The following FRMD5 variants were observed in gnomAD, a reference collection of about 807,000 sequenced individuals.
FRMD5 encodes the protein FERM domain-containing protein 5.
Under a neutral mutation model 69.0 loss-of-function variants are expected in FRMD5, and 20 were observed. That is an observed-to-expected ratio of 0.29 (90% confidence interval 0.20 to 0.42). FRMD5 has a LOEUF of 0.42. Ranked by LOEUF, FRMD5 falls within the 10% of genes least tolerant of loss-of-function variation. The pLI is 1.00. For missense variants in FRMD5, 595 were observed against 708.6 expected (o/e 0.84, Z 1.82); for synonymous variants, 271 against 260.1 (o/e 1.04, Z -0.40).
chr15:44,121,863 C>T (rs1311248100), intron 1 of FRMD5, among the ~76,000 whole-genome samples: 2 of 151,098 alleles, frequency 1.3e-5, no homozygotes, highest in South Asian at 2.1e-4. Context: ...GGCATGGTAG[C>T]GTGTGCCTGT....
At chr15:44,176,049 T>C (rs934744427) in intron 1 of FRMD5, among the ~76,000 whole-genome samples, 3 of 152,122 alleles carry the variant, frequency 2.0e-5, no homozygotes, top group South Asian at 2.1e-4. Flanking sequence ...AAAATTCATA[T>C]GGAAATGCAA....
intron 1 of FRMD5, chr15:43,990,151 T>G: frequency 1.7e-6 from 1 of 586,638 alleles, no homozygotes; most frequent in African/African-American, 1.8e-5. Flanking sequence ...CCAGAGCCAT[T>G]GTCGACGACA....
In FRMD5 at chr15:44,008,135, G is replaced by A. The variant is rs1357260656; in HGVS notation, c.103-83826C>T. On this transcript the variant is annotated intron_variant, in intron 1 of 13. Coordinates refer to ENST00000417257, the MANE Select transcript of FRMD5 (RefSeq NM_032892.5). ...TTTTGTAGAGATGAGGTCTCCCTATGTTGCCCAGGCTGGTCTCAAACTCCT... is the reference window on the plus strand; with the variant it reads ...TTTTGTAGAGATGAGGTCTCCCTATATTGCCCAGGCTGGTCTCAAACTCCT... 4.3e-5 allele frequency among the ~76,000 whole-genome samples: 5 copies of A among 115,516 alleles called. No homozygotes were observed. The South Asian group carries it at 8.7e-4, about 20-fold the overall frequency. 75.8% of individuals were successfully genotyped at this position (115,516 alleles called of 152,430 possible). A position where few individuals can be genotyped will look rare whatever the true frequency, so the allele number is the denominator to read the frequency against.
At chr15:44,051,638 A>C (rs761937917) in intron 1 of FRMD5, among the ~76,000 whole-genome samples, 111 of 152,044 alleles carry the variant, frequency 7.3e-4, no homozygotes, top group Non-Finnish European at 3.7e-4. Context: ...GGATCTCACA[A>C]TATATTCTGT....
chr15:44,119,416 A>G (rs2076915713), intron 1 of FRMD5, among the ~76,000 whole-genome samples: 1 of 152,072 alleles, frequency 6.6e-6, no homozygotes, highest in Non-Finnish European at 1.5e-5. Context: ...ACCCACCATA[A>G]CTTAACTGGT....
intron 12 of FRMD5, 121 bp from the exon 13 acceptor site, chr15:43,883,930 T>C: frequency 1.4e-6 from 1 of 700,854 alleles, no homozygotes; most frequent in Non-Finnish European, 2.6e-6. Context: ...CTCTCTCTTT[T>C]TTAAAATCTT....
chr15:43,914,723 C>CTTTTTTTTTTGTTTTTTTTTTTTTT, intron 4 of FRMD5, among the ~76,000 whole-genome samples: 1 of 109,418 alleles, frequency 9.1e-6, no homozygotes, highest in Non-Finnish European at 1.7e-5. Context: ...AGGTGACTAC[C>CTTTTTTTTTTGTTTTTTTTTTTTTT]TTTTTTTTTT....
intron 1 of FRMD5, among the ~76,000 whole-genome samples, chr15:44,148,964 T>C (rs1178910462): frequency 4.6e-5 from 7 of 152,178 alleles, no homozygotes; most frequent in Admixed American, 2.6e-4. Flanking sequence ...GAGAGACTTA[T>C]ACGTTTTAAA....
chr15:43,885,887 C>T, intron 10 of FRMD5, 132 bp from the exon 11 acceptor site: 2 of 706,006 alleles, frequency 2.8e-6, no homozygotes, highest in Non-Finnish European at 5.1e-6. Flanking sequence ...CCACATTTGT[C>T]TCTGACTCTC....
chr15:44,145,883 A>AT lies in FRMD5; in HGVS notation c.102+49069dup, dbSNP rs796713600. ...TAATCATCCTTATTAGAAGAAAAACATATCATACTAAGGGAGCTTACCATA... is the reference window on the plus strand; with the variant it reads ...TAATCATCCTTATTAGAAGAAAAACATTATCATACTAAGGGAGCTTACCATA... On this transcript the variant is annotated intron_variant, in intron 1 of 13. Coordinates refer to ENST00000417257, the MANE Select transcript of FRMD5 (RefSeq NM_032892.5). 5.9e-5 allele frequency among the ~76,000 whole-genome samples: 9 copies of AT among 152,364 alleles called. No individual in the cohort carries two copies. In the South Asian group the frequency reaches 1.9e-3, roughly 32 times the overall value.
intron 1 of FRMD5, among the ~76,000 whole-genome samples, chr15:44,025,331 A>G (rs1321364524): frequency 1.3e-5 from 2 of 152,216 alleles, no homozygotes; most frequent in Non-Finnish European, 2.9e-5. Context: ...GAGGCTTCAT[A>G]GAGGAAATGC....
intron 1 of FRMD5, among the ~76,000 whole-genome samples, chr15:44,041,970 CA>C (rs1172702708): frequency 1.3e-5 from 2 of 151,908 alleles, no homozygotes; most frequent in Admixed American, 1.3e-4. Flanking sequence ...AAAAACCCCT[CA>C]AAAAAATCAA....
chr15:43,934,719 C>T (rs1172945992), intron 1 of FRMD5, among the ~76,000 whole-genome samples: 1 of 152,218 alleles, frequency 6.6e-6, no homozygotes, highest in African/African-American at 2.4e-5. Context: ...TGCCCGCCTC[C>T]AGCCTCATAA....
chr15:43,960,892 GA>G (rs2090188411), intron 1 of FRMD5, among the ~76,000 whole-genome samples: 1 of 152,052 alleles, frequency 6.6e-6, no homozygotes, highest in Non-Finnish European at 1.5e-5. Context: ...TCTTGTATTT[GA>G]AAAAAACCTA....
chr15:44,143,728 A>G (rs1212182452), intron 1 of FRMD5, among the ~76,000 whole-genome samples: 1 of 151,610 alleles, frequency 6.6e-6, no homozygotes, highest in South Asian at 2.1e-4. Context: ...GATTGAGACC[A>G]TCCTGGCTAA....
intron 1 of FRMD5, among the ~76,000 whole-genome samples, chr15:44,092,778 A>C (rs926472519): frequency 6.6e-6 from 1 of 152,020 alleles, no homozygotes; most frequent in African/African-American, 2.4e-5. Flanking sequence ...TAGAAACTTA[A>C]TCTAAATTTC....
chr15:44,030,716 A>G (rs1264238661), intron 1 of FRMD5, among the ~76,000 whole-genome samples: 2 of 152,072 alleles, frequency 1.3e-5, no homozygotes, highest in Non-Finnish European at 2.9e-5. Flanking sequence ...GGAGAAGGTG[A>G]AGGAGGAGGA....
intron 4 of FRMD5, among the ~76,000 whole-genome samples, chr15:43,910,572 C>CAAAAA (rs1167867396): frequency 0.071 from 2,869 of 40,234 alleles, 204 homozygotes; most frequent in Admixed American, 0.1. Context: ...GACCTTGTCT[C>CAAAAA]AAAAAAAAAA....
intron 1 of FRMD5, among the ~76,000 whole-genome samples, chr15:44,062,640 A>G (rs1489975022): frequency 2.0e-5 from 3 of 150,578 alleles, no homozygotes; most frequent in Non-Finnish European, 4.4e-5. Flanking sequence ...CAGTGAGCTA[A>G]GATTGCACCA....
Sources: gnomAD v4.1 joint callset for allele counts (sites outside exome capture counted in the v4.1 genomes callset) on GRCh38, gnomAD v4.1.1 for gene constraint, MANE v1.5 for transcripts, NCBI Gene and HGNC (gene_info 2026-07-23, HGNC 2026-07-21) for gene names.